Variants in SGSM1 observed in about 807,000 individuals in gnomAD.
The protein encoded by SGSM1 is RUN and TBC1 domain containing 2.
Under a neutral mutation model 133.8 loss-of-function variants are expected in SGSM1, and 73 were observed. The ratio of observed to expected loss-of-function variants is 0.55; its 90% CI spans 0.45 to 0.66. The LOEUF (loss-of-function observed/expected upper bound fraction) is 0.66, where lower values mean the gene tolerates loss of function less well. Among genes scored for constraint, SGSM1 ranks in the 30% least tolerant of loss-of-function variants. SGSM1 has a pLI of 0.00. For missense variants in SGSM1, 1,213 were observed against 1,448.1 expected (o/e 0.84, Z 2.64); for synonymous variants, 563 against 573.0 (o/e 0.98, Z 0.25).
intron 16 of SGSM1, among the ~76,000 whole-genome samples, chr22:24,892,760 C>T (rs576819593): frequency 1.3e-5 from 2 of 151,894 alleles, no homozygotes; most frequent in East Asian, 1.9e-4. Flanking sequence ...ACAGTCTTCT[C>T]ACTTTTGGCC....
At chr22:24,872,487 T>C (rs149472581) in intron 12 of SGSM1, among the ~76,000 whole-genome samples, 1,753 of 152,106 alleles carry the variant, frequency 0.012, 17 homozygotes, top group African/African-American at 0.04. Flanking sequence ...TTTGAGACTT[T>C]GTTAAAAAAA....
chr22:24,907,902 A>T (rs1053965752), intron 21 of SGSM1, among the ~76,000 whole-genome samples: 4 of 113,352 alleles, frequency 3.5e-5, no homozygotes, highest in Admixed American at 1.1e-4. Context: ...ACAGAGCAAG[A>T]CGCCATCTCA....
intron 20 of SGSM1, among the ~76,000 whole-genome samples, chr22:24,902,813 A>T (rs1046992175): frequency 2.0e-5 from 3 of 152,216 alleles, no homozygotes; most frequent in Admixed American, 2.0e-4. Context: ...CCAAGGCAGG[A>T]GGATTGCTTG....
intron 9 of SGSM1, among the ~76,000 whole-genome samples, chr22:24,864,344 C>T (rs571603406): frequency 2.0e-5 from 3 of 152,252 alleles, no homozygotes; most frequent in African/African-American, 7.2e-5. Context: ...AAAACTTAGC[C>T]CACACAAAAA....
At chr22:24,827,231 G>A (rs1009724123) in intron 2 of SGSM1, among the ~76,000 whole-genome samples, 1 of 152,072 alleles carries the variant, frequency 6.6e-6, no homozygotes, top group Non-Finnish European at 1.5e-5. Flanking sequence ...GCAGGTGAGA[G>A]GACTGGAGAA....
In SGSM1 at chr22:24,812,016, A is replaced by G. The variant is rs536028432; in HGVS notation, c.63+5532A>G. ...GAAACCTCATCTCTACAAAAAATAC[A>G]AAAATTAGCCGGGTGTGGTAGCATG... On this transcript the variant is annotated intron_variant, in intron 2 of 24. Coordinates refer to ENST00000400358, the MANE Select transcript of SGSM1 (RefSeq NM_001098497.3). Among the ~76,000 whole-genome samples the G allele has an allele frequency of 4.6e-5, 7 of 151,858 alleles. No homozygotes were observed. The South Asian group carries it at 8.4e-4, about 18-fold the overall frequency.
intron 2 of SGSM1, among the ~76,000 whole-genome samples, chr22:24,842,980 C>T (rs1049203368): frequency 6.6e-6 from 1 of 151,792 alleles, no homozygotes; most frequent in African/African-American, 2.4e-5. Context: ...CCTGAGGAAA[C>T]ACAGCTAATA....
At chr22:24,807,169 T>G (rs1927451580) in intron 2 of SGSM1, among the ~76,000 whole-genome samples, 1 of 151,886 alleles carries the variant, frequency 6.6e-6, no homozygotes, top group East Asian at 1.9e-4. Flanking sequence ...GGCAGTCTAG[T>G]CTTTAGGGCT....
chr22:24,807,283 G>A (rs1927462177), intron 2 of SGSM1, among the ~76,000 whole-genome samples: 1 of 152,126 alleles, frequency 6.6e-6, no homozygotes, highest in Non-Finnish European at 1.5e-5. Context: ...CTGCATGGGT[G>A]AGGACCTGTG....
In SGSM1 at chr22:24,806,518, C is replaced by A. The variant is rs779141957; in HGVS notation, c.63+34C>A. ...CGGGGTGGGGGCACTGGGCAGGACT[C>A]CCCCGGCAGCAGCGGCCAAACGGGA... On this transcript the variant is annotated intron_variant, in intron 2 of 24. Transcript: ENST00000400358. 1.0e-5 allele frequency: 15 copies of A among 1,485,386 alleles called. No individual in the cohort carries two copies. The South Asian group carries it at 1.3e-4, about 13-fold the overall frequency. 92.0% of individuals were successfully genotyped at this position (1,485,386 alleles called of 1,614,324 possible).
chr22:24,882,029 C>T (rs1433628452), intron 14 of SGSM1, among the ~76,000 whole-genome samples: 3 of 151,942 alleles, frequency 2.0e-5, no homozygotes, highest in African/African-American at 7.3e-5. Flanking sequence ...CCTTTTTAAT[C>T]CAGCTTCAAT....
At chr22:24,822,546 T>C (rs913751714) in intron 2 of SGSM1, among the ~76,000 whole-genome samples, 2 of 152,236 alleles carry the variant, frequency 1.3e-5, no homozygotes, top group Non-Finnish European at 2.9e-5. Flanking sequence ...GATAGGACAT[T>C]TCTTTTTATC....
rs1312134743 is a variant in SGSM1, at chr22:24,828,491, C to A, written c.64-16406C>A. ...TTCGCTAAAAAAGACATGCATGCAG[C>A]CAACAAGCACATGAAAAAAAGCTCA... On this transcript the variant is annotated intron_variant, in intron 2 of 24. Transcript: ENST00000400358. 2.6e-5 allele frequency among the ~76,000 whole-genome samples: 4 copies of A among 152,104 alleles called. No individual in the cohort carries two copies. In the East Asian group the frequency reaches 7.7e-4, roughly 29 times the overall value.
intron 3 of SGSM1, 25 bp downstream of exon 3, chr22:24,844,997 GCTT>G: frequency 6.2e-7 from 1 of 1,611,888 alleles, no homozygotes; most frequent in South Asian, 1.1e-5. Context: ...TGGGAAAGTG[GCTT>G]CTTTCTCTGT....
At chr22:24,839,932 C>CTTTTTTTT (rs758631851) in intron 2 of SGSM1, among the ~76,000 whole-genome samples, 4 of 106,480 alleles carry the variant, frequency 3.8e-5, no homozygotes, top group African/African-American at 1.1e-4. Flanking sequence ...AACCATCTCT[C>CTTTTTTTT]TTTTTTTTTT....
chr22:24,840,334 G>T (rs984357511), intron 2 of SGSM1, among the ~76,000 whole-genome samples: 16 of 151,614 alleles, frequency 1.1e-4, no homozygotes, highest in East Asian at 7.8e-4. Context: ...TTTAATTTTT[G>T]AATTTTTAAT....
At chr22:24,876,429 G>C in intron 12 of SGSM1, 148 bp from the exon 13 acceptor site, 1 of 1,022,720 alleles carries the variant, frequency 9.8e-7, no homozygotes, top group African/African-American at 1.6e-5. Flanking sequence ...GATGATTAGG[G>C]CTGCTGTTTC....
chr22:24,872,963 T>A (rs1381056693), intron 12 of SGSM1, among the ~76,000 whole-genome samples: 1 of 151,428 alleles, frequency 6.6e-6, no homozygotes, highest in Non-Finnish European at 1.5e-5. Flanking sequence ...GTGGCTCAAT[T>A]GTAATTTTTT....
At chr22:24,848,212 A>G (rs1930265293) in intron 4 of SGSM1, among the ~76,000 whole-genome samples, 1 of 151,426 alleles carries the variant, frequency 6.6e-6, no homozygotes, top group African/African-American at 2.4e-5. Context: ...TTCTCCCATT[A>G]TGTCTCAAGC....
Sources: allele counts gnomAD v4.1 joint callset (sites outside exome capture counted in the v4.1 genomes callset), GRCh38; gene constraint gnomAD v4.1.1; transcripts MANE v1.5; gene names NCBI Gene and HGNC (gene_info 2026-07-23, HGNC 2026-07-21).